Variants in ANKS1B observed in about 807,000 individuals in gnomAD.
ANKS1B encodes the protein ankyrin repeat and sterile alpha motif domain containing 1B.
Under a neutral mutation model 148.3 loss-of-function variants are expected in ANKS1B, and 36 were observed. The observed-to-expected ratio is 0.24, with a 90% CI of 0.19 to 0.32. The LOEUF (loss-of-function observed/expected upper bound fraction) is 0.32, where lower values mean the gene tolerates loss of function less well. Among genes scored for constraint, ANKS1B ranks in the 10% least tolerant of loss-of-function variants. The probability of loss-of-function intolerance (pLI) is 1.00; values close to 1 mark genes in which losing one functional copy is unlikely to be tolerated. For synonymous variants in ANKS1B, 542 were observed against 560.8 expected, an observed-to-expected ratio of 0.97 and a Z score of 0.47; for missense variants, 1,157 against 1,542.6, an observed-to-expected ratio of 0.75 and a Z score of 4.19.
chr12:99,571,378 A>G (rs1243667877), intron 9 of ANKS1B, among the ~76,000 whole-genome samples: 2 of 152,012 alleles, frequency 1.3e-5, no homozygotes, highest in Non-Finnish European at 2.9e-5. Flanking sequence ...TATAATATAT[A>G]TTATTTATAC....
intron 1 of ANKS1B, among the ~76,000 whole-genome samples, chr12:99,954,742 CCAGTGTGTA>C (rs1289947283): frequency 6.6e-6 from 1 of 152,076 alleles, no homozygotes; most frequent in African/African-American, 2.4e-5. Context: ...TTTTTGGCAT[CCAGTGTGTA>C]CAGGCCAGGG....
intron 1 of ANKS1B, among the ~76,000 whole-genome samples, chr12:99,964,103 A>G (rs967209148): frequency 2.6e-5 from 4 of 152,164 alleles, no homozygotes; most frequent in African/African-American, 9.7e-5. Flanking sequence ...GAGGCCTACT[A>G]CATGTCCACA....
chr12:99,387,679 C>T (rs904944043), intron 12 of ANKS1B, among the ~76,000 whole-genome samples: 3 of 152,098 alleles, frequency 2.0e-5, no homozygotes, highest in Non-Finnish European at 2.9e-5. Flanking sequence ...GAAAATGCTC[C>T]GTCTATGAAC....
chr12:99,359,828 T>C (rs1244761376), intron 12 of ANKS1B, among the ~76,000 whole-genome samples: 1 of 152,180 alleles, frequency 6.6e-6, no homozygotes, highest in Non-Finnish European at 1.5e-5. Context: ...CACGTTTAAT[T>C]ATTTCTGTTT....
intron 12 of ANKS1B, among the ~76,000 whole-genome samples, chr12:99,351,607 A>G (rs1460402987): frequency 6.6e-6 from 1 of 152,056 alleles, no homozygotes; most frequent in Non-Finnish European, 1.5e-5. Context: ...CTATAAAATG[A>G]TAATGTCCAG....
At chr12:98,932,014 TG>T (rs1189971644) in intron 17 of ANKS1B, among the ~76,000 whole-genome samples, 4 of 152,228 alleles carry the variant, frequency 2.6e-5, no homozygotes, top group Admixed American at 1.3e-4. Context: ...AGTCCCATGG[TG>T]GAAGAAACCT....
intron 15 of ANKS1B, among the ~76,000 whole-genome samples, chr12:99,130,734 T>C (rs1489885866): frequency 1.3e-5 from 2 of 152,192 alleles, no homozygotes; most frequent in African/African-American, 4.8e-5. Context: ...GATCCTAATT[T>C]ATCTTTCTAA....
At chr12:99,513,021 C>T (rs932021506) in intron 9 of ANKS1B, among the ~76,000 whole-genome samples, 1 of 151,404 alleles carries the variant, frequency 6.6e-6, no homozygotes, top group South Asian at 2.1e-4. Context: ...CAAACTTGCA[C>T]ATCCTGCACA....
At chr12:98,769,604 A>G (rs2098541401) in intron 25 of ANKS1B, among the ~76,000 whole-genome samples, 1 of 152,132 alleles carries the variant, frequency 6.6e-6, no homozygotes, top group African/African-American at 2.4e-5. Flanking sequence ...ACAGTTGACT[A>G]TTTCTTCCCC....
chr12:98,966,639 G>C (rs148469834), intron 17 of ANKS1B, among the ~76,000 whole-genome samples: 4 of 152,066 alleles, frequency 2.6e-5, no homozygotes, highest in Non-Finnish European at 5.9e-5. Context: ...GCAAAGACTT[G>C]GAACCAACCA....
intron 1 of ANKS1B, among the ~76,000 whole-genome samples, chr12:99,924,738 G>T (rs1223199842): frequency 6.6e-6 from 1 of 152,094 alleles, no homozygotes; most frequent in Admixed American, 6.6e-5. Flanking sequence ...GAATCAGAGA[G>T]AGGGCCCTAC....
At position 99,451,286 on chromosome 12, in the gene ANKS1B, G is replaced by A. The variant is rs183314522; in HGVS notation, c.1439-7477C>T. 3.9e-5 allele frequency among the ~76,000 whole-genome samples: 6 copies of A among 152,206 alleles called. No individual in the cohort carries two copies. The East Asian group carries it at 1.2e-3, about 29-fold the overall frequency. On this transcript the variant is annotated intron_variant, in intron 10 of 26. Coordinates refer to ENST00000683438, the MANE Select transcript of ANKS1B (RefSeq NM_001352186.2). ...ATCTTTTAGAAGAAAAATATTCTAT[G>A]ACTATAAAATAATTCATGTGCAACA...
intron 9 of ANKS1B, among the ~76,000 whole-genome samples, chr12:99,585,702 C>G (rs1417561246): frequency 6.6e-6 from 1 of 152,214 alleles, no homozygotes; most frequent in Non-Finnish European, 1.5e-5. Flanking sequence ...TCCCAAACCT[C>G]AATTCTTGTC....
chr12:99,658,755 G>T (rs1048807915), intron 8 of ANKS1B, among the ~76,000 whole-genome samples: 1 of 152,020 alleles, frequency 6.6e-6, no homozygotes, highest in African/African-American at 2.4e-5. Context: ...GCTTGACAGA[G>T]ACTGGCACAT....
At chr12:98,911,190 A>G (rs186644942) in intron 17 of ANKS1B, among the ~76,000 whole-genome samples, 78 of 152,278 alleles carry the variant, frequency 5.1e-4, no homozygotes, top group Non-Finnish European at 1.0e-3. Flanking sequence ...GCTTACTATA[A>G]AACTGTGTAC....
At chr12:99,505,869 C>T (rs2096706563) in intron 9 of ANKS1B, among the ~76,000 whole-genome samples, 1 of 152,004 alleles carries the variant, frequency 6.6e-6, no homozygotes, top group Admixed American at 6.6e-5. Context: ...ATACACTTAA[C>T]CTACCAAACA....
chr12:99,385,697 T>C (rs974175287), intron 12 of ANKS1B, among the ~76,000 whole-genome samples: 1 of 152,130 alleles, frequency 6.6e-6, no homozygotes, highest in Admixed American at 6.5e-5. Flanking sequence ...TAGAAAATCA[T>C]AACTAATAAT....
rs117890171 is a variant in ANKS1B, at chr12:99,702,160, G to A, written c.1129-46950C>T. The stretch of plus-strand genomic sequence containing the variant: ...GTACTAATTTACATTCCCACCAATG[G>A]TGTATGAGTTTTCCCTTTTCTCCAC... On this transcript the variant is annotated intron_variant, in intron 8 of 26. Coordinates refer to ENST00000683438, the MANE Select transcript of ANKS1B (RefSeq NM_001352186.2). Among the ~76,000 whole-genome samples the A allele has an allele frequency of 3.9e-5, 6 of 152,202 alleles. No individual in the cohort carries two copies. In the East Asian group the frequency reaches 5.8e-4, roughly 15 times the overall value.
chr12:99,321,701 G>A (rs896101874), intron 12 of ANKS1B, among the ~76,000 whole-genome samples: 7 of 152,122 alleles, frequency 4.6e-5, no homozygotes, highest in African/African-American at 9.7e-5. Context: ...CCCACTGTCC[G>A]ACAAACCCCA....
Sources: gnomAD v4.1 joint callset for allele counts (sites outside exome capture counted in the v4.1 genomes callset) on GRCh38, gnomAD v4.1.1 for gene constraint, MANE v1.5 for transcripts, NCBI Gene and HGNC (gene_info 2026-07-23, HGNC 2026-07-21) for gene names.